HIF3A: variants seen among roughly 807,000 people sequenced by gnomAD.
HIF3A encodes hypoxia-inducible factor 3-alpha.
Under a neutral mutation model 67.2 loss-of-function variants are expected in HIF3A, and 41 were observed. The observed-to-expected ratio is 0.61, with a 90% confidence interval of 0.48 to 0.79. HIF3A has a LOEUF of 0.79. Among genes scored for constraint, HIF3A ranks in the 30% least tolerant of loss-of-function variants. The pLI is 0.00. For missense variants in HIF3A, 855 were observed against 898.0 expected (o/e 0.95, Z 0.61); for synonymous variants, 356 against 374.8 (o/e 0.95, Z 0.58).
intron 14 of HIF3A, among the ~76,000 whole-genome samples, chr19:46,335,309 G>A (rs1019073618): frequency 3.3e-5 from 5 of 150,734 alleles, no homozygotes; most frequent in African/African-American, 9.9e-5. Context: ...CACTCTTGTC[G>A]CCCAGGCTGG....
Position 46,309,279 on chromosome 19 carries a change from C to T in HIF3A, c.690C>T (p.Gly230=), listed in dbSNP as rs1448953210. ...VLICEAIPHP[G]SLEPPLGRGA... is the part of the protein sequence containing the mutation. ...TCTGCGAAGCCATCCCCCACCCAGG[C>T]AGCCTGGAGCCCCCACTGGGCCGAG... The change falls in exon 6 of 15, where the codon GGC becomes GGT. Residue 230 remains glycine (G), a synonymous_variant. Transcript: ENST00000377670. 1.2e-6 allele frequency: 2 copies of T among 1,613,618 alleles called. No individual in the cohort carries two copies. The highest frequency in any genetic ancestry group is 1.7e-6 in the Non-Finnish European group (2 of 1,179,890).
At chr19:46,329,795 G>A (rs981733525) in intron 12 of HIF3A, among the ~76,000 whole-genome samples, 4 of 151,782 alleles carry the variant, frequency 2.6e-5, no homozygotes, top group Non-Finnish European at 5.9e-5. Flanking sequence ...ACATTGCCGT[G>A]TGTCAGAGAA....
intron 11 of HIF3A, among the ~76,000 whole-genome samples, chr19:46,328,023 T>G (rs994433649): frequency 1.3e-5 from 2 of 152,228 alleles, no homozygotes; most frequent in Admixed American, 6.5e-5. Flanking sequence ...ATAGGCATGA[T>G]TGAGCAAATT....
Position 46,325,568 on chromosome 19 carries a change from G to C in HIF3A, c.1369G>C (p.Glu457Gln), listed in dbSNP as rs752464732. 23 of 1,613,272 alleles carry C rather than the reference G, an allele frequency of 1.4e-5. No homozygotes were observed. The highest frequency in any genetic ancestry group is 2.7e-5 in the African/African-American group (2 of 74,888). Residue 457 changes from glutamate to glutamine, a missense_variant, in exon 11 of 15, where the codon GAG (glutamate) becomes CAG (glutamine). Transcript: ENST00000377670. ...DLPDELPVGT[E>Q]NVHRLFTSGK... ...CCCAGATGAACTACCTGTGGGCACC[G>C]AGAATGTGCACAGACTCTTCACCTC...
chr19:46,308,545 G>T, intron 4 of HIF3A, 118 bp from the exon 5 acceptor site: 1 of 676,710 alleles, frequency 1.5e-6, no homozygotes. Flanking sequence ...ACCCTCTCTG[G>T]TTCCAGGTCC....
rs1054801731 is a variant in HIF3A, at chr19:46,305,237, G to A, written c.218-8G>A. 12 of 1,613,648 alleles carry A rather than the reference G, an allele frequency of 7.4e-6. No individual in the cohort carries two copies. The highest frequency in any genetic ancestry group is 1.3e-5 in the African/African-American group (1 of 74,906). On this transcript the variant is annotated splice_polypyrimidine_tract_variant and splice_region_variant and intron_variant, in intron 2 of 14. Coordinates refer to ENST00000377670, the MANE Select transcript of HIF3A (RefSeq NM_152795.4). ...GAGATGCCCCCATCCCCCTGCCCCG[G>A]GCACCAGGGGAGTGGAACCAGGTGG... is the stretch of plus-strand genomic sequence containing the variant.
At chr19:46,330,190 C>G (rs567699991) in intron 12 of HIF3A, among the ~76,000 whole-genome samples, 1 of 152,062 alleles carries the variant, frequency 6.6e-6, no homozygotes, top group Non-Finnish European at 1.5e-5. Context: ...CAGCTTGGTA[C>G]TGGCTATAAA....
chr19:46,300,188 T>C (rs1053971741), intron 1 of HIF3A, among the ~76,000 whole-genome samples: 3 of 152,190 alleles, frequency 2.0e-5, no homozygotes, highest in Admixed American at 6.5e-5. Flanking sequence ...ATGCTATCAT[T>C]ATTACAGTAT....
chr19:46,298,725 CG>C (rs1321778376), intron 1 of HIF3A, among the ~76,000 whole-genome samples: 14 of 152,126 alleles, frequency 9.2e-5, no homozygotes, highest in Non-Finnish European at 1.5e-5. Flanking sequence ...CAGGCAGAGT[CG>C]GGGGGCAGAG....
rs147931736 is a variant in HIF3A, at chr19:46,312,245, G to A, written c.855G>A (p.Ala285=). ...ACATCCACGCGCTGGACTCCGATGC[G>A]GTCAGCAAGAGCATCCACACCTGTA... ...YEYIHALDSD[A]VSKSIHTLLS... The change falls in exon 7 of 15, where the codon GCG becomes GCA. Residue 285 remains alanine, a synonymous_variant. Transcript: ENST00000377670. 9.9e-6 allele frequency: 16 copies of A among 1,613,690 alleles called. No individual in the cohort carries two copies. Among genetic ancestry groups the A allele is most frequent in the African/African-American group, 9.4e-5 (7 of 74,792 alleles).
chr19:46,331,785 C>T (rs968680528), intron 13 of HIF3A, among the ~76,000 whole-genome samples: 11 of 135,686 alleles, frequency 8.1e-5, no homozygotes, highest in African/African-American at 2.0e-4. Context: ...AACCCAGGAA[C>T]AGAAGATTGC....
At chr19:46,303,854 C>T in intron 1 of HIF3A, 44 bp from the exon 2 acceptor site, 1 of 1,582,158 alleles carries the variant, frequency 6.3e-7, no homozygotes. Context: ...TCCTCCTTTT[C>T]TCTTTCCCGA....
intron 14 of HIF3A, among the ~76,000 whole-genome samples, chr19:46,335,498 G>C (rs1206926063): frequency 6.6e-6 from 1 of 152,042 alleles, no homozygotes; most frequent in African/African-American, 2.4e-5. Flanking sequence ...TCGAACTCCT[G>C]ACCTCAGGTG....
At chr19:46,329,565 A>C in intron 12 of HIF3A, 87 bp downstream of exon 12, 1 of 1,363,646 alleles carries the variant, frequency 7.3e-7, no homozygotes. Context: ...ATCCCTCACC[A>C]TTTCTCTAAC....
At position 46,322,872 on chromosome 19, in the gene HIF3A, T is replaced by G. The variant is rs138460372; in HGVS notation, c.1335+906T>G. On this transcript the variant is annotated intron_variant, in intron 10 of 14. Transcript: ENST00000377670. ...ATACATTGAGTGAGGTATGGAGGAA[T>G]GTAGGGTTTCGGAGCTTCCATGCCG... Among the ~76,000 whole-genome samples, 3 of 152,260 alleles carry G rather than the reference T, an allele frequency of 2.0e-5. No homozygotes were observed. In the East Asian group the frequency reaches 5.8e-4, roughly 29 times the overall value.
At chr19:46,309,443 CCT>C in intron 6 of HIF3A, 84 bp downstream of exon 6, 2 of 804,650 alleles carry the variant, frequency 2.5e-6, no homozygotes, top group Non-Finnish European at 3.9e-6. Context: ...TTCTCTCTCT[CCT>C]TCTCTCTCTC....
At chr19:46,330,311 AGATG>A (rs1185584699) in intron 12 of HIF3A, among the ~76,000 whole-genome samples, 22 of 152,146 alleles carry the variant, frequency 1.4e-4, no homozygotes, top group Non-Finnish European at 1.5e-5. Context: ...ATGGAAGGAC[AGATG>A]GATGGATGTG....
rs150500130 is a variant in HIF3A, at chr19:46,309,233, C to G, written c.644C>G (p.Pro215Arg). The G allele has an allele frequency of 5.0e-6, 8 of 1,614,076 alleles. No individual in the cohort carries two copies. The highest frequency in any genetic ancestry group is 6.8e-6 in the Non-Finnish European group (8 of 1,179,968). ...SPAGSPDSEP[P>R]LQCLVLICEA... ...GCTGGGAGCCCTGACTCAGAGCCCC[C>G]GCTGCAGTGCCTGGTGCTCATCTGC... Residue 215 changes from proline (P) to arginine (R), a missense_variant, in exon 6 of 15, where the codon CCG becomes CGG. Transcript: ENST00000377670.
rs1369027911 is a variant in HIF3A at position 46,312,602 on chromosome 19, G to C, written c.974G>C (p.Gly325Ala). Reference sequence around the variant, plus strand: ...CAGACCCAGGCCACAGTGGTGTCAGGGGGACGGGGCCCCCAGTCGGAGAGT... The same window carrying C: ...CAGACCCAGGCCACAGTGGTGTCAGCGGGACGGGGCCCCCAGTCGGAGAGT... ...WTQTQATVVS[G>A]GRGPQSESIV... is the part of the protein sequence containing the mutation. The change falls in exon 8 of 15, where the codon GGG (glycine) becomes GCG (alanine). Residue 325 changes from glycine to alanine, a missense_variant. By Grantham distance (60) the Gly-to-Ala change is moderately conservative (BLOSUM62 0). Around this residue, in one of 3 missense-constraint regions of HIF3A, gnomAD observed 638 missense variants for 660.5 expected, o/e 0.97. Transcript: ENST00000377670. The C allele has an allele frequency of 6.3e-7, 1 of 1,599,450 alleles. No individual in the cohort carries two copies. Among genetic ancestry groups the C allele is most frequent in the Non-Finnish European group, 8.5e-7 (1 of 1,172,770 alleles).
Sources: allele counts gnomAD v4.1 joint callset (sites outside exome capture counted in the v4.1 genomes callset), GRCh38; gene constraint gnomAD v4.1.1; regional missense constraint gnomAD v4.1.1; transcripts MANE v1.5; gene names NCBI Gene and HGNC (gene_info 2026-07-23, HGNC 2026-07-21).